Variants in IRAK1BP1 observed in about 807,000 individuals in gnomAD.
The protein encoded by IRAK1BP1 is interleukin 1 receptor associated kinase 1 binding protein 1, also known as interleukin-1 receptor-associated kinase 1-binding protein 1.
Under a neutral mutation model 28.0 loss-of-function variants are expected in IRAK1BP1, and 24 were observed. The observed-to-expected ratio is 0.86, with a 90% CI of 0.62 to 1.20. The LOEUF (loss-of-function observed/expected upper bound fraction) is 1.20, where lower values mean the gene tolerates loss of function less well. IRAK1BP1 is among the 50% of genes most tolerant of loss of function. The pLI, the probability that IRAK1BP1 is intolerant of heterozygous loss-of-function variation, is 0.00. For synonymous variants in IRAK1BP1, 131 were observed against 116.3 expected, an observed-to-expected ratio of 1.13 and a Z score of -0.81; for missense variants, 336 against 316.7, an observed-to-expected ratio of 1.06 and a Z score of -0.46.
the IRAK1BP1 span, among the ~76,000 whole-genome samples, chr6:78,971,668 C>A: frequency 6.6e-5 from 10 of 152,190 alleles, no homozygotes; most frequent in African/African-American, 2.2e-4. Context: ...TCAGTGGGTG[C>A]GCGCACCGTG....
In IRAK1BP1 at chr6:78,885,414, G is replaced by C; in HGVS notation, c.352G>C (p.Val118Leu). The change falls in exon 2 of 4, where the codon GTG becomes CTG. Residue 118 changes from valine to leucine, a missense_variant. Physicochemically the swap from Val to Leu is conservative, Grantham distance 32 (BLOSUM62 1). Coordinates refer to ENST00000369940, the MANE Select transcript of IRAK1BP1 (RefSeq NM_001010844.4). Reference sequence around the variant, plus strand: ...AACTGTGACAAAGGATTTTAGGAGAGTGGAAAATGCTTATCACATGGAAGC... The same window carrying C: ...AACTGTGACAAAGGATTTTAGGAGACTGGAAAATGCTTATCACATGGAAGC... ...NITVTKDFRR[V>L]ENAYHMEAEV... 1 of 1,582,818 alleles carries C rather than the reference G, an allele frequency of 6.3e-7. No homozygotes were observed. The highest frequency in any genetic ancestry group is 8.6e-7 in the Non-Finnish European group (1 of 1,158,762).
At chr6:78,954,268 A>T in the IRAK1BP1 span, among the ~76,000 whole-genome samples, 2 of 147,048 alleles carry the variant, frequency 1.4e-5, no homozygotes, top group African/African-American at 5.0e-5. Flanking sequence ...CGCCTGGCTA[A>T]TTTTTTTTTT....
the IRAK1BP1 span, among the ~76,000 whole-genome samples, chr6:78,969,340 CTCTCA>C: frequency 2.0e-5 from 3 of 152,190 alleles, no homozygotes; most frequent in African/African-American, 7.2e-5. Context: ...AAGAGAACTA[CTCTCA>C]TAAGTGGCAC....
chr6:78,888,262 A>G (rs1011830767), intron 2 of IRAK1BP1, among the ~76,000 whole-genome samples: 2 of 152,192 alleles, frequency 1.3e-5, no homozygotes, highest in African/African-American at 4.8e-5. Flanking sequence ...AATTCTAGAT[A>G]TGGGCTATAC....
At chr6:78,894,023 A>G (rs921412429) in intron 2 of IRAK1BP1, among the ~76,000 whole-genome samples, 8 of 152,254 alleles carry the variant, frequency 5.3e-5, no homozygotes, top group African/African-American at 9.6e-5. Flanking sequence ...ACAGAAGTAC[A>G]GTGTTATAAA....
intron 1 of IRAK1BP1, among the ~76,000 whole-genome samples, chr6:78,869,047 C>T (rs965884437): frequency 6.6e-6 from 1 of 152,122 alleles, no homozygotes; most frequent in Non-Finnish European, 1.5e-5. Flanking sequence ...AAGATTTCTT[C>T]AAATGATTTT....
intron 4 of IRAK1BP1, among the ~76,000 whole-genome samples, chr6:78,944,452 T>C (rs1223599487): frequency 6.6e-6 from 1 of 151,966 alleles, no homozygotes; most frequent in Non-Finnish European, 1.5e-5. Context: ...ACTAGGAAAA[T>C]AGTCCAAGCA....
chr6:78,890,804 G>A (rs563948927), intron 2 of IRAK1BP1, among the ~76,000 whole-genome samples: 5 of 152,040 alleles, frequency 3.3e-5, no homozygotes, highest in African/African-American at 9.6e-5. Flanking sequence ...TGAAGGAGAC[G>A]GTAATACAAG....
downstream of IRAK1BP1, among the ~76,000 whole-genome samples, chr6:78,906,224 A>G (rs1202589715): frequency 3.3e-5 from 5 of 150,010 alleles, no homozygotes; most frequent in Non-Finnish European, 7.4e-5. Flanking sequence ...GAGATTGAAT[A>G]CTCTTTTTTT....
the IRAK1BP1 span, among the ~76,000 whole-genome samples, chr6:78,976,713 A>T: frequency 1.2e-4 from 18 of 148,336 alleles, no homozygotes; most frequent in African/African-American, 4.4e-4. Flanking sequence ...AAAGTGGGCG[A>T]AGGACATGAA....
chr6:78,964,043 G>A, the IRAK1BP1 span, among the ~76,000 whole-genome samples: 1 of 151,990 alleles, frequency 6.6e-6, no homozygotes, highest in Non-Finnish European at 1.5e-5. Context: ...AATATCCAAG[G>A]CATTATAACA....
intron 1 of IRAK1BP1, among the ~76,000 whole-genome samples, chr6:78,880,581 G>C (rs534106170): frequency 6.4e-4 from 97 of 152,258 alleles, no homozygotes; most frequent in Middle Eastern, 3.4e-3. Flanking sequence ...ACTTGTATCT[G>C]TTAAGAAAAT....
chr6:78,933,803 T>A, intron 4 of IRAK1BP1, among the ~76,000 whole-genome samples: 1 of 152,056 alleles, frequency 6.6e-6, no homozygotes, highest in East Asian at 1.9e-4. Flanking sequence ...TCCAGACCAC[T>A]GCACCTTTCT....
intron 4 of IRAK1BP1, among the ~76,000 whole-genome samples, chr6:78,913,972 C>T (rs1293894254): frequency 6.6e-6 from 1 of 152,100 alleles, no homozygotes; most frequent in East Asian, 1.9e-4. Context: ...ATCATCACAA[C>T]ATTATACTAA....
At chr6:78,963,433 T>C in the IRAK1BP1 span, among the ~76,000 whole-genome samples, 1 of 152,196 alleles carries the variant, frequency 6.6e-6, no homozygotes, top group Non-Finnish European at 1.5e-5. Context: ...AATTAATTTT[T>C]AAATGATACT....
At chr6:78,973,693 C>A in the IRAK1BP1 span, among the ~76,000 whole-genome samples, 2 of 151,164 alleles carry the variant, frequency 1.3e-5, no homozygotes, top group Non-Finnish European at 2.9e-5. Flanking sequence ...ATGTACCAAG[C>A]AAATGGAAAA....
chr6:78,919,225 T>G (rs760574040), intron 4 of IRAK1BP1, among the ~76,000 whole-genome samples: 7 of 152,110 alleles, frequency 4.6e-5, no homozygotes, highest in African/African-American at 1.7e-4. Flanking sequence ...GTTATAGCAC[T>G]AAAGAACTCA....
intron 4 of IRAK1BP1, chr6:78,941,369 C>G: frequency 6.6e-7 from 1 of 1,514,082 alleles, no homozygotes; most frequent in Non-Finnish European, 8.9e-7. Context: ...TATGGAGTTT[C>G]TTTTTTTGTT....
Position 78,902,224 on chromosome 6 carries a change from C to T in IRAK1BP1, c.*3890C>T, listed in dbSNP as rs1291952243. The T allele has an allele frequency of 1.3e-5, 2 of 152,182 alleles. No individual in the cohort carries two copies. Among genetic ancestry groups the T allele is most frequent in the African/African-American group, 2.4e-5 (1 of 41,452 alleles). 9.4% of individuals were successfully genotyped at this position (152,182 alleles called of 1,614,324 possible). A position where few individuals can be genotyped will look rare whatever the true frequency, so the allele number is the denominator to read the frequency against. The stretch of plus-strand genomic sequence containing the variant: ...TAGCTCAATCATAGCTTACTGCAGC[C>T]TAAAAACTCCTGGGCTGAAGAAATC... On this transcript the variant is annotated 3_prime_UTR_variant, in exon 4 of 4. Transcript: ENST00000369940.
Sources: gnomAD v4.1 joint callset for allele counts (sites outside exome capture counted in the v4.1 genomes callset) on GRCh38, gnomAD v4.1.1 for gene constraint, MANE v1.5 for transcripts, NCBI Gene and HGNC (gene_info 2026-07-23, HGNC 2026-07-21) for gene names.